The following PID1 variants were observed in gnomAD, a reference collection of about 807,000 sequenced individuals.
The protein encoded by PID1 is phosphotyrosine interaction domain containing 1.
Under a neutral mutation model 19.1 loss-of-function variants are expected in PID1, and 10 were observed. The ratio of observed to expected loss-of-function variants is 0.52; its 90% CI spans 0.32 to 0.89. The LOEUF (loss-of-function observed/expected upper bound fraction) is 0.89, where lower values mean the gene tolerates loss of function less well. Among genes scored for constraint, PID1 ranks in the 40% least tolerant of loss-of-function variants. The pLI is 0.03. For synonymous variants in PID1, 130 were observed against 116.0 expected (o/e 1.12, Z -0.78); for missense variants, 248 against 285.3 (o/e 0.87, Z 0.94).
chr2:229,232,270 A>C (rs1219958719), intron 1 of PID1, among the ~76,000 whole-genome samples: 1 of 151,672 alleles, frequency 6.6e-6, no homozygotes, highest in Non-Finnish European at 1.5e-5. Context: ...AAAAACACAC[A>C]AAAAAATAAA....
At chr2:229,103,289 G>A (rs1695109875) in intron 2 of PID1, among the ~76,000 whole-genome samples, 1 of 152,142 alleles carries the variant, frequency 6.6e-6, no homozygotes, top group Non-Finnish European at 1.5e-5. Context: ...GGGAAGGGCT[G>A]ATGTGAGTCA....
At position 229,040,120 on chromosome 2, in the gene PID1, GA is replaced by G. The variant is rs59973595; in HGVS notation, c.178-14013del. Among the ~76,000 whole-genome samples the G allele has an allele frequency of 6.3e-3, 814 of 130,148 alleles. 8 individuals carry two copies. The highest frequency in any genetic ancestry group is 0.016 in the African/African-American group (571 of 35,486). 85.4% of individuals were successfully genotyped at this position (130,148 alleles called of 152,430 possible). A position where few individuals can be genotyped will look rare whatever the true frequency, so the allele number is the denominator to read the frequency against. On this transcript the variant is annotated intron_variant, in intron 2 of 2. Coordinates refer to ENST00000392055, the MANE Select transcript of PID1 (RefSeq NM_001100818.2). ...GACTTATTGGGTATATTGTTATGTG[GA>G]AAAAAAAAAAAAAAAGGCTGGGCAC...
intron 2 of PID1, among the ~76,000 whole-genome samples, chr2:229,127,932 C>T (rs546564351): frequency 6.6e-6 from 1 of 152,322 alleles, no homozygotes; most frequent in South Asian, 2.1e-4. Context: ...TCTTTGGCTT[C>T]CCTTTGTCCA....
At chr2:229,136,256 G>A (rs114211176) in intron 2 of PID1, among the ~76,000 whole-genome samples, 18 of 152,208 alleles carry the variant, frequency 1.2e-4, no homozygotes, top group Non-Finnish European at 2.1e-4. Flanking sequence ...TCACCTGAAC[G>A]AGGTTAGAAA....
intron 2 of PID1, among the ~76,000 whole-genome samples, chr2:229,049,471 G>A (rs1239104559): frequency 1.3e-5 from 2 of 152,064 alleles, no homozygotes; most frequent in African/African-American, 4.8e-5. Context: ...TGACAATCCT[G>A]GTGGGTAGCT....
At position 229,271,034 on chromosome 2, in the gene PID1, G is replaced by A; in HGVS notation, c.10C>T (p.Pro4Ser). The change falls in exon 1 of 3, where the codon CCG (proline) becomes TCG (serine). Residue 4 changes from proline to serine, a missense_variant. Pro to Ser is a moderately conservative substitution (Grantham distance 74). Transcript: ENST00000392055. MWQ[P>S]ATERLQHFQT... ...CTTACCTGCAGGCGCTCCGTGGCCGGCTGCCACATCTTCCAGCCCTGGGTT... is the reference window on the plus strand; with the variant it reads ...CTTACCTGCAGGCGCTCCGTGGCCGACTGCCACATCTTCCAGCCCTGGGTT... The A allele has an allele frequency of 6.5e-7, 1 of 1,542,830 alleles. No homozygotes were observed. The highest frequency in any genetic ancestry group is 8.7e-7 in the Non-Finnish European group (1 of 1,143,980).
chr2:229,164,073 G>A (rs549530232), intron 1 of PID1, among the ~76,000 whole-genome samples: 1 of 152,144 alleles, frequency 6.6e-6, no homozygotes, highest in Non-Finnish European at 1.5e-5. Context: ...TGTTGCAACT[G>A]CCTTATTGAC....
intron 1 of PID1, chr2:229,262,753 G>T: frequency 6.4e-7 from 1 of 1,551,624 alleles, no homozygotes; most frequent in Non-Finnish European, 8.7e-7. Context: ...CTCTGGAGAA[G>T]AACATGTCCT....
At chr2:229,268,715 A>C (rs1419999730) in intron 1 of PID1, among the ~76,000 whole-genome samples, 2 of 152,182 alleles carry the variant, frequency 1.3e-5, no homozygotes, top group African/African-American at 2.4e-5. Context: ...CAAGTTTCCT[A>C]TCCAGCATGA....
chr2:229,099,728 C>T (rs4972886), intron 2 of PID1, among the ~76,000 whole-genome samples: 138,659 of 152,226 alleles, frequency 0.91, 63,376 homozygotes, highest in Admixed American at 0.95. Flanking sequence ...AATGATTTCA[C>T]TGCCTAAAAG....
At chr2:229,028,409 C>T (rs1244628598) in intron 2 of PID1, among the ~76,000 whole-genome samples, 3 of 152,136 alleles carry the variant, frequency 2.0e-5, no homozygotes, top group Admixed American at 6.5e-5. Context: ...AATCTGTGAT[C>T]GTTTGGCAGC....
intron 1 of PID1, among the ~76,000 whole-genome samples, chr2:229,195,536 T>C (rs1252569371): frequency 6.6e-6 from 1 of 151,962 alleles, no homozygotes; most frequent in Non-Finnish European, 1.5e-5. Context: ...CGATGTTCCC[T>C]ACTTTGTTAA....
intron 1 of PID1, among the ~76,000 whole-genome samples, chr2:229,220,878 T>C (rs766315188): frequency 1.3e-5 from 2 of 152,194 alleles, no homozygotes; most frequent in African/African-American, 2.4e-5. Flanking sequence ...TACAGTTTTA[T>C]TGTGCTATTC....
At chr2:229,129,741 G>A (rs928573806) in intron 2 of PID1, among the ~76,000 whole-genome samples, 1 of 152,142 alleles carries the variant, frequency 6.6e-6, no homozygotes, top group African/African-American at 2.4e-5. Context: ...TCCCTAAGAT[G>A]AGCAGAGAGA....
At chr2:229,214,474 T>C (rs1312161258) in intron 1 of PID1, among the ~76,000 whole-genome samples, 1 of 152,072 alleles carries the variant, frequency 6.6e-6, no homozygotes, top group African/African-American at 2.4e-5. Context: ...GCTTCATCAA[T>C]TAAAAACAAA....
rs555484181 is a variant in PID1 at position 229,090,250 on chromosome 2, G to A, written c.178-64142C>T. Among the ~76,000 whole-genome samples, 5 of 152,192 alleles carry A rather than the reference G, an allele frequency of 3.3e-5. No individual in the cohort carries two copies. In the East Asian group the frequency reaches 5.8e-4, roughly 18 times the overall value. On this transcript the variant is annotated intron_variant, in intron 2 of 2. Transcript: ENST00000392055. ...CTAATCAACATAGAAATTAAAGAAC[G>A]TAATCTGGAAAAAACAGTTCAAGTA...
intron 1 of PID1, among the ~76,000 whole-genome samples, chr2:229,207,193 C>T (rs1022941816): frequency 7.9e-5 from 12 of 151,988 alleles, no homozygotes; most frequent in African/African-American, 2.2e-4. Flanking sequence ...AGAGTAAGAA[C>T]GAGAATGCAA....
intron 2 of PID1, among the ~76,000 whole-genome samples, chr2:229,028,456 G>A (rs996631558): frequency 6.6e-6 from 1 of 152,162 alleles, no homozygotes; most frequent in African/African-American, 2.4e-5. Flanking sequence ...AATAAATTGT[G>A]CATAAATAGA....
rs576148721 is a variant in PID1, at chr2:229,270,831, A to G, written c.30+183T>C. 5.3e-5 allele frequency among the ~76,000 whole-genome samples: 8 copies of G among 152,290 alleles called. No individual in the cohort carries two copies. In the South Asian group the frequency reaches 1.7e-3, roughly 32 times the overall value. ...CTGAACCCGTGCGTTTATCAATTTC[A>G]TCATCCCCATACCCCTGCCGGGTTC... On this transcript the variant is annotated intron_variant, in intron 1 of 2. Transcript: ENST00000392055.
Sources: gnomAD v4.1 joint callset for allele counts (sites outside exome capture counted in the v4.1 genomes callset) on GRCh38, gnomAD v4.1.1 for gene constraint, MANE v1.5 for transcripts, NCBI Gene and HGNC (gene_info 2026-07-23, HGNC 2026-07-21) for gene names.